The following GPHN variants were observed in gnomAD, a reference collection of about 807,000 sequenced individuals.
The protein encoded by GPHN is gephyrin.
In GPHN, 17 loss-of-function variants were observed where a neutral mutation model predicts 95.5. That is an observed-to-expected ratio of 0.18 (90% CI 0.12 to 0.27). The LOEUF is 0.27. Among genes scored for constraint, GPHN ranks in the 10% least tolerant of loss-of-function variants. The probability of loss-of-function intolerance (pLI) is 1.00; values close to 1 mark genes in which losing one functional copy is unlikely to be tolerated. For synonymous variants in GPHN, 320 were observed against 322.5 expected (o/e 0.99, Z 0.08); for missense variants, 660 against 978.1 (o/e 0.67, Z 4.34).
chr14:67,558,304 G>A, the GPHN span, among the ~76,000 whole-genome samples: 1 of 152,152 alleles, frequency 6.6e-6, no homozygotes, highest in Non-Finnish European at 1.5e-5. Context: ...CCTTCTCCAT[G>A]TAGGAGAAGC....
intron 4 of GPHN, among the ~76,000 whole-genome samples, chr14:66,852,664 C>A (rs760697064): frequency 6.6e-6 from 1 of 152,120 alleles, no homozygotes; most frequent in African/African-American, 2.4e-5. Context: ...AAAGATGTAT[C>A]GTTTTCTATC....
At chr14:67,640,272 A>G in the GPHN span, among the ~76,000 whole-genome samples, 88 of 152,144 alleles carry the variant, frequency 5.8e-4, no homozygotes, top group Non-Finnish European at 1.0e-3. Context: ...GGCCTTTTAT[A>G]TGACTATTTC....
At chr14:66,902,158 T>A (rs1246445182) in intron 5 of GPHN, among the ~76,000 whole-genome samples, 1 of 152,100 alleles carries the variant, frequency 6.6e-6, no homozygotes, top group African/African-American at 2.4e-5. Flanking sequence ...CTTTCTTGAT[T>A]TCTTTTTTGG....
the GPHN span, among the ~76,000 whole-genome samples, chr14:67,425,741 A>T: frequency 6.6e-6 from 1 of 151,882 alleles, no homozygotes; most frequent in Non-Finnish European, 1.5e-5. Context: ...GGGGAACTGG[A>T]CCTGCTCTGA....
At chr14:67,168,864 T>C (rs1382922421) in intron 20 of GPHN, 69 bp from the exon 21 acceptor site, 2 of 995,718 alleles carry the variant, frequency 2.0e-6, no homozygotes, top group Admixed American at 1.7e-5. Flanking sequence ...CCCAAAGATA[T>C]AGACAGACAT....
the GPHN span, chr14:67,733,858 G>A: frequency 6.3e-7 from 1 of 1,592,694 alleles, no homozygotes; most frequent in South Asian, 1.1e-5. Flanking sequence ...GCTGGTGGAA[G>A]AGCTGCAGCT....
chr14:67,480,083 G>A, the GPHN span, among the ~76,000 whole-genome samples: 19 of 152,330 alleles, frequency 1.2e-4, no homozygotes, highest in African/African-American at 4.3e-4. Context: ...TTGTGAGGAC[G>A]AATGAACTCG....
intron 18 of GPHN, among the ~76,000 whole-genome samples, chr14:67,148,147 C>T (rs914169835): frequency 3.9e-5 from 6 of 152,174 alleles, no homozygotes; most frequent in Non-Finnish European, 8.8e-5. Flanking sequence ...TAGAAGGTAA[C>T]ATGACTGTAA....
At chr14:66,726,980 C>T (rs568191695) in intron 2 of GPHN, among the ~76,000 whole-genome samples, 1 of 152,204 alleles carries the variant, frequency 6.6e-6, no homozygotes, top group South Asian at 2.1e-4. Context: ...GCTGTGTCCC[C>T]CCTCAAATCT....
the GPHN span, among the ~76,000 whole-genome samples, chr14:67,417,396 G>A: frequency 6.6e-6 from 1 of 152,174 alleles, no homozygotes; most frequent in African/African-American, 2.4e-5. Flanking sequence ...GGTAGAAGGA[G>A]TGAGCATTGG....
the GPHN span, chr14:67,503,497 A>C: frequency 6.6e-6 from 1 of 152,216 alleles, no homozygotes; most frequent in Non-Finnish European, 1.5e-5. Flanking sequence ...CTCCTAAGGC[A>C]GCATTTCCCA....
chr14:66,811,587 A>G (rs1438255902), intron 3 of GPHN, among the ~76,000 whole-genome samples: 1 of 151,864 alleles, frequency 6.6e-6, no homozygotes, highest in Non-Finnish European at 1.5e-5. Context: ...ACAGGTTAAA[A>G]TATAGAAAAT....
rs1469156588 is a variant in GPHN at position 66,545,339 on chromosome 14, C to T, written c.64+36748C>T. Among the ~76,000 whole-genome samples the T allele has an allele frequency of 1.0e-4, 8 of 76,652 alleles. No homozygotes were observed. In the Admixed American group the frequency reaches 1.3e-3, roughly 13 times the overall value. The allele number at this position is 76,652 out of a possible 152,430, so 50.3% of individuals were successfully genotyped here. On this transcript the variant is annotated intron_variant, in intron 1 of 22. Coordinates refer to ENST00000478722, the MANE Select transcript of GPHN (RefSeq NM_020806.5). ...GGCGGCTGGCCGGGCAGGGGGCTGA[C>T]CCCCCCACCTCCCTCCCGGACGGGG...
chr14:67,718,480 C>T, the GPHN span, among the ~76,000 whole-genome samples: 1 of 152,214 alleles, frequency 6.6e-6, no homozygotes, highest in Non-Finnish European at 1.5e-5. Context: ...CCCAGCTCTG[C>T]TTCATAGCAT....
At chr14:67,619,753 T>C in the GPHN span, 4 of 509,808 alleles carry the variant, frequency 7.8e-6, no homozygotes, top group Non-Finnish European at 1.4e-5. Context: ...TGGGGTGACG[T>C]CATCGAAGGC....
At chr14:67,280,834 T>TC in the GPHN span, among the ~76,000 whole-genome samples, 1 of 133,804 alleles carries the variant, frequency 7.5e-6, no homozygotes, top group African/African-American at 3.2e-5. Context: ...CTTCCTTCCT[T>TC]CCTTCCTTCC....
the GPHN span, among the ~76,000 whole-genome samples, chr14:67,644,355 A>G: frequency 6.6e-6 from 1 of 152,322 alleles, no homozygotes; most frequent in East Asian, 1.9e-4. Flanking sequence ...CTGAAATCTA[A>G]AGAAATTAGA....
the GPHN span, chr14:67,651,204 G>T: frequency 8.2e-7 from 1 of 1,220,738 alleles, no homozygotes; most frequent in Non-Finnish European, 1.1e-6. Flanking sequence ...TGGTCTTGTT[G>T]CTGTTGTTCC....
intron 4 of GPHN, among the ~76,000 whole-genome samples, chr14:66,868,780 A>G (rs542839120): frequency 1.1e-4 from 17 of 152,282 alleles, no homozygotes; most frequent in Non-Finnish European, 1.6e-4. Flanking sequence ...AATATGAACA[A>G]TTTCATCAAC....
Sources: allele counts gnomAD v4.1 joint callset (sites outside exome capture counted in the v4.1 genomes callset), GRCh38; gene constraint gnomAD v4.1.1; transcripts MANE v1.5; gene names NCBI Gene and HGNC (gene_info 2026-07-23, HGNC 2026-07-21).